Variants in TUBGCP5 observed in about 807,000 individuals in gnomAD.
The protein encoded by TUBGCP5 is tubulin gamma complex component 5, also known as gamma-tubulin complex component 5.
A neutral mutation model predicts 134.7 loss-of-function variants in TUBGCP5; 98 were observed. That is an observed-to-expected ratio of 0.73 (90% CI 0.62 to 0.86). TUBGCP5 has a LOEUF of 0.86. TUBGCP5 is among the 40% of genes least tolerant of loss of function. The pLI, the probability that TUBGCP5 is intolerant of heterozygous loss-of-function variation, is 0.00. For synonymous variants in TUBGCP5, 456 were observed against 431.4 expected, an observed-to-expected ratio of 1.06 and a Z score of -0.71; for missense variants, 1,150 against 1,244.8, an observed-to-expected ratio of 0.92 and a Z score of 1.15.
At chr15:23,022,829 T>C (rs1489612765) in intron 10 of TUBGCP5, among the ~76,000 whole-genome samples, 1 of 152,278 alleles carries the variant, frequency 6.6e-6, no homozygotes, top group East Asian at 1.9e-4. Flanking sequence ...CTCTGTACTA[T>C]TTTTTGTGGT....
In TUBGCP5 at chr15:23,032,759, A is replaced by T. The variant is rs1478932547; in HGVS notation, c.375T>A (p.Ser125Arg). Reference protein sequence around the residue: ...LCLSDSPSNSSYVETPRNKEV... With the variant: ...LCLSDSPSNSRYVETPRNKEV... ...CTTTATTTCTTGGTGTCTCCACATAACTGCTGTTTGAAGGAGAGTCTGACA... is the reference window on the plus strand; with the variant it reads ...CTTTATTTCTTGGTGTCTCCACATATCTGCTGTTTGAAGGAGAGTCTGACA... Residue 125 changes from serine to arginine, a missense_variant, in exon 4 of 23, where the codon AGT (serine) becomes AGA (arginine). Around this residue, in one of 2 missense-constraint regions of TUBGCP5, gnomAD observed 453 missense variants for 394.7 expected, o/e 1.15. Coordinates refer to ENST00000615383, the MANE Select transcript of TUBGCP5 (RefSeq NM_052903.6). 3.1e-6 allele frequency: 5 copies of T among 1,597,440 alleles called. No individual in the cohort carries two copies. The Admixed American group carries it at 8.9e-5, about 28-fold the overall frequency.
At chr15:23,012,327 A>C (rs1004653046) in intron 13 of TUBGCP5, among the ~76,000 whole-genome samples, 1 of 152,192 alleles carries the variant, frequency 6.6e-6, no homozygotes, top group Non-Finnish European at 1.5e-5. Flanking sequence ...TAGATACAAT[A>C]ATATAATTAA....
In TUBGCP5 at chr15:23,039,527, G is replaced by C. The variant is rs374208223; in HGVS notation, c.17C>G (p.Pro6Arg). 6.7e-7 allele frequency: 1 copy of C among 1,484,926 alleles called. No homozygotes were observed. The highest frequency in any genetic ancestry group is 2.8e-5 in the East Asian group (1 of 35,974). The allele number at this position is 1,484,926 out of a possible 1,614,324, so 92.0% of individuals were successfully genotyped here. Residue 6 changes from proline to arginine, a missense_variant, in exon 1 of 23, where the codon CCA (proline) becomes CGA (arginine). Physicochemically the swap from Pro to Arg is moderately radical, Grantham distance 103 (BLOSUM62 -2). Transcript: ENST00000615383. ...CTGCGCGTCCAACCGACTCCACGGTGGCCCGTGCCGCGCCATGTTCCGCGC... is the reference window on the plus strand; with the variant it reads ...CTGCGCGTCCAACCGACTCCACGGTCGCCCGTGCCGCGCCATGTTCCGCGC... MARHGPPWSRLDAQQE... is the reference protein window; with the variant it reads MARHGRPWSRLDAQQE...
chr15:23,028,711 AC>A (rs2066123392), intron 6 of TUBGCP5, among the ~76,000 whole-genome samples: 1 of 151,990 alleles, frequency 6.6e-6, no homozygotes, highest in South Asian at 2.1e-4. Context: ...TTCAGGTATA[AC>A]CCCCCTTAGG....
intron 10 of TUBGCP5, among the ~76,000 whole-genome samples, chr15:23,022,413 T>C (rs1377296018): frequency 6.6e-6 from 1 of 152,190 alleles, no homozygotes; most frequent in Non-Finnish European, 1.5e-5. Flanking sequence ...TGATGAGTGA[T>C]TCTAAAACAT....
intron 23 of TUBGCP5, among the ~76,000 whole-genome samples, chr15:22,990,359 C>T (rs2063810476): frequency 6.6e-6 from 1 of 152,162 alleles, no homozygotes; most frequent in Non-Finnish European, 1.5e-5. Flanking sequence ...GGCTTTGTCT[C>T]AGGTTGTATT....
At chr15:23,017,230 G>A (rs2140509455) in intron 13 of TUBGCP5, among the ~76,000 whole-genome samples, 1 of 152,048 alleles carries the variant, frequency 6.6e-6, no homozygotes, top group Non-Finnish European at 1.5e-5. Context: ...ATAGCTAGCT[G>A]GAAGGAATAA....
chr15:23,002,280 T>C (rs1463479370), intron 21 of TUBGCP5, among the ~76,000 whole-genome samples: 1 of 152,150 alleles, frequency 6.6e-6, no homozygotes, highest in Non-Finnish European at 1.5e-5. Flanking sequence ...GTACAGCCAA[T>C]GGGAGATTTC....
rs2063893025 is a variant in TUBGCP5 at position 22,992,853 on chromosome 15, G to A, written c.*61+3992C>T. Among the ~76,000 whole-genome samples the A allele has an allele frequency of 3.9e-5, 6 of 152,190 alleles. No homozygotes were observed. In the South Asian group the frequency reaches 1.2e-3, roughly 32 times the overall value. ...AATAAACGGGTGACCTAGCTAATGAGATTTTCCAAACAAAGTATTCAAGAT... is the reference window on the plus strand; with the variant it reads ...AATAAACGGGTGACCTAGCTAATGAAATTTTCCAAACAAAGTATTCAAGAT... On this transcript the variant is annotated intron_variant and NMD_transcript_variant, in intron 23 of 23. Coordinates refer to the TUBGCP5 transcript ENST00000614508.
intron 13 of TUBGCP5, among the ~76,000 whole-genome samples, chr15:23,017,089 A>C (rs879780603): frequency 1.3e-5 from 2 of 151,428 alleles, no homozygotes; most frequent in Non-Finnish European, 2.9e-5. Flanking sequence ...AAAGTTAAAC[A>C]CTGCATGTTC....
At chr15:23,015,030 T>C (rs757903438) in intron 13 of TUBGCP5, among the ~76,000 whole-genome samples, 7 of 152,132 alleles carry the variant, frequency 4.6e-5, no homozygotes, top group African/African-American at 1.4e-4. Flanking sequence ...TGTACATGCA[T>C]GTACCCCTAA....
At chr15:22,999,905 T>G (rs576615575) in intron 22 of TUBGCP5, 39 bp from the exon 23 acceptor site, 1 of 1,606,316 alleles carries the variant, frequency 6.2e-7, no homozygotes, top group African/African-American at 1.3e-5. Context: ...ACAATAGGTT[T>G]AAATGTTGAA....
chr15:23,024,662 T>C, intron 9 of TUBGCP5, 75 bp downstream of exon 9: 1 of 826,302 alleles, frequency 1.2e-6, no homozygotes, highest in Non-Finnish European at 1.9e-6. Flanking sequence ...TTTAATATTG[T>C]AAAATGTTCT....
At chr15:23,021,911 CTGCTGTGCAGCA>C (rs769007535) in intron 11 of TUBGCP5, 36 bp downstream of exon 11, 1 of 1,558,404 alleles carries the variant, frequency 6.4e-7, no homozygotes, top group Non-Finnish European at 8.9e-7. Context: ...TATCACTCCT[CTGCTGTGCAGCA>C]TGGAGTCACA....
intron 11 of TUBGCP5, among the ~76,000 whole-genome samples, chr15:23,019,996 T>C (rs756784350): frequency 1.1e-4 from 16 of 150,604 alleles, no homozygotes; most frequent in Admixed American, 2.0e-4. Flanking sequence ...ATGAGGAAAT[T>C]GGCTGGGCAT....
At chr15:23,032,652 A>C (rs1567166487) in intron 4 of TUBGCP5, 76 bp downstream of exon 4, 1 of 989,162 alleles carries the variant, frequency 1.0e-6, no homozygotes. Context: ...GTTTCAATAA[A>C]ACTCAGTGTT....
At position 23,017,775 on chromosome 15, in the gene TUBGCP5, C is replaced by G; in HGVS notation, c.1754G>C (p.Arg585Thr). The G allele has an allele frequency of 6.2e-7, 1 of 1,612,958 alleles. No homozygotes were observed. Residue 585 changes from arginine to threonine, a missense_variant and splice_region_variant, in exon 13 of 23, where the codon AGA (arginine) becomes ACA (threonine). Physicochemically the swap from Arg to Thr is moderately conservative, Grantham distance 71. Transcript: ENST00000615383. Reference protein sequence around the residue: ...AESTTCQAGARDAERKSLYTL... With the variant: ...AESTTCQAGATDAERKSLYTL... ...ACACAGGAAGACGGAACAAGTACCT[C>G]TGGCTCCTGCCTGGCAGGTGGTGCT...
chr15:23,035,334 A>AAAAAAAG (rs1243790227), intron 3 of TUBGCP5, among the ~76,000 whole-genome samples: 3 of 151,744 alleles, frequency 2.0e-5, no homozygotes, highest in Non-Finnish European at 1.5e-5. Context: ...AGTCTTAAAA[A>AAAAAAAG]AAAAAAAGAA....
chr15:23,008,574 T>G lies in TUBGCP5; in HGVS notation c.2327+125A>C, dbSNP rs113770790. ...TGCCTGGCCTCCATTTTCTAATAAGTAAAATAATATTAGTAAAACTCATAG... is the reference window on the plus strand; with the variant it reads ...TGCCTGGCCTCCATTTTCTAATAAGGAAAATAATATTAGTAAAACTCATAG... On this transcript the variant is annotated intron_variant, in intron 16 of 22. Transcript: ENST00000615383. 1.4e-5 allele frequency: 17 copies of G among 1,238,808 alleles called. No individual in the cohort carries two copies. In the African/African-American group the frequency reaches 1.7e-4, roughly 12 times the overall value. 76.7% of individuals were successfully genotyped at this position (1,238,808 alleles called of 1,614,324 possible).
Sources: gnomAD v4.1 joint callset for allele counts (sites outside exome capture counted in the v4.1 genomes callset) on GRCh38, gnomAD v4.1.1 for gene constraint, gnomAD v4.1.1 regional missense constraint, MANE v1.5 for transcripts, NCBI Gene and HGNC (gene_info 2026-07-23, HGNC 2026-07-21) for gene names.